The following ADGRB3 variants were observed in gnomAD, a reference collection of about 807,000 sequenced individuals.
ADGRB3 encodes adhesion G protein-coupled receptor B3.
Under a neutral mutation model 193.4 loss-of-function variants are expected in ADGRB3, and 37 were observed. The observed-to-expected ratio is 0.19, with a 90% CI of 0.15 to 0.25. The LOEUF is 0.25. ADGRB3 is among the 10% of genes least tolerant of loss of function. ADGRB3 has a pLI of 1.00. For missense variants in ADGRB3, 1,637 were observed against 1,852.9 expected (o/e 0.88, Z 2.14); for synonymous variants, 690 against 644.2 (o/e 1.07, Z -1.08).
chr6:69,189,724 T>C (rs1227793182), intron 17 of ADGRB3, among the ~76,000 whole-genome samples: 1 of 152,218 alleles, frequency 6.6e-6, no homozygotes, highest in African/African-American at 2.4e-5. Context: ...CAATAAAATT[T>C]TGTCTCTTTG....
chr6:68,815,607 GT>G (rs2086430952), intron 3 of ADGRB3, among the ~76,000 whole-genome samples: 1 of 93,384 alleles, frequency 1.1e-5, no homozygotes, highest in Non-Finnish European at 1.9e-5. Context: ...CAAAAATTGT[GT>G]GTGTGTGTGT....
At chr6:69,197,340 A>G (rs771410151) in intron 17 of ADGRB3, among the ~76,000 whole-genome samples, 22 of 152,058 alleles carry the variant, frequency 1.4e-4, no homozygotes, top group Admixed American at 2.0e-4. Flanking sequence ...TTGCATATAC[A>G]TGTGTATTAT....
intron 3 of ADGRB3, among the ~76,000 whole-genome samples, chr6:68,796,072 G>T (rs1428043031): frequency 6.6e-6 from 1 of 152,064 alleles, no homozygotes; most frequent in Non-Finnish European, 1.5e-5. Context: ...TTAGAACCAA[G>T]TATATTTTAG....
At chr6:69,150,368 GTCTT>G (rs1009789637) in intron 17 of ADGRB3, among the ~76,000 whole-genome samples, 26 of 152,246 alleles carry the variant, frequency 1.7e-4, no homozygotes, top group Middle Eastern at 3.4e-3. Context: ...AGGCAGAAAA[GTCTT>G]TCCCCACAAA....
At chr6:69,177,276 C>G (rs1775452817) in intron 17 of ADGRB3, among the ~76,000 whole-genome samples, 1 of 152,020 alleles carries the variant, frequency 6.6e-6, no homozygotes, top group African/African-American at 2.4e-5. Flanking sequence ...AAACTTTGCT[C>G]TTTGCTCTTA....
At chr6:68,884,475 G>GA (rs1466945223) in intron 3 of ADGRB3, among the ~76,000 whole-genome samples, 3 of 152,134 alleles carry the variant, frequency 2.0e-5, no homozygotes, top group African/African-American at 7.2e-5. Flanking sequence ...CGGGGAGTGA[G>GA]AAAAAATTAG....
rs570432356 is a variant in ADGRB3 at position 68,780,894 on chromosome 6, TA to T, written c.757+141468del. The stretch of plus-strand genomic sequence containing the variant: ...TGGATTTCACAATTATGTAGCTTCT[TA>T]AAAAATGTTATTTAAAATGTCTTAA... On this transcript the variant is annotated intron_variant, in intron 3 of 31. Coordinates refer to ENST00000370598, the MANE Select transcript of ADGRB3 (RefSeq NM_001704.3). 3.0e-3 allele frequency among the ~76,000 whole-genome samples: 460 copies of T among 152,260 alleles called. 6 individuals carry two copies. Among genetic ancestry groups the T allele is most frequent in the African/African-American group, 0.011 (448 of 41,570 alleles).
intron 1 of ADGRB3, among the ~76,000 whole-genome samples, chr6:68,636,956 A>G (rs1409446182): frequency 1.1e-5 from 1 of 91,858 alleles, no homozygotes; most frequent in African/African-American, 4.9e-5. Flanking sequence ...AAAGTGCAAC[A>G]CCAAAAAAAA....
At chr6:68,665,625 G>A (rs1228119456) in intron 3 of ADGRB3, among the ~76,000 whole-genome samples, 4 of 151,708 alleles carry the variant, frequency 2.6e-5, no homozygotes, top group African/African-American at 9.7e-5. Flanking sequence ...ACACGATAAT[G>A]TTAAACTATC....
intron 17 of ADGRB3, among the ~76,000 whole-genome samples, chr6:69,120,465 A>G (rs1218870346): frequency 3.9e-5 from 6 of 152,242 alleles, no homozygotes; most frequent in South Asian, 2.1e-4. Flanking sequence ...CAGAATGGGA[A>G]CATCATGTGT....
At position 68,910,832 on chromosome 6, in the gene ADGRB3, A is replaced by G. The variant is rs1178299392; in HGVS notation, c.758-19727A>G. ...AGCCTTGTAGTATAGTTTGAAGTCAAGTAGCGTGATGCCTCCAGCTTTGTT... is the reference window on the plus strand; with the variant it reads ...AGCCTTGTAGTATAGTTTGAAGTCAGGTAGCGTGATGCCTCCAGCTTTGTT... On this transcript the variant is annotated intron_variant, in intron 3 of 31. Coordinates refer to ENST00000370598, the MANE Select transcript of ADGRB3 (RefSeq NM_001704.3). Among the ~76,000 whole-genome samples the G allele has an allele frequency of 4.6e-5, 7 of 152,150 alleles. No homozygotes were observed. The South Asian group carries it at 8.3e-4, about 18-fold the overall frequency.
intron 6 of ADGRB3, among the ~76,000 whole-genome samples, chr6:68,954,221 T>C (rs1379834696): frequency 1.3e-5 from 2 of 152,184 alleles, no homozygotes; most frequent in Non-Finnish European, 2.9e-5. Context: ...CTTTAAACAT[T>C]TATTTATTTA....
At chr6:68,789,306 C>A (rs904358623) in intron 3 of ADGRB3, among the ~76,000 whole-genome samples, 3 of 152,186 alleles carry the variant, frequency 2.0e-5, no homozygotes, top group African/African-American at 7.2e-5. Flanking sequence ...TTGATCCTTT[C>A]CATGTTTAGT....
intron 17 of ADGRB3, among the ~76,000 whole-genome samples, chr6:69,139,506 TTATTC>T: frequency 6.6e-6 from 1 of 152,354 alleles, no homozygotes; most frequent in South Asian, 2.1e-4. Flanking sequence ...TGGTTTATGT[TTATTC>T]TTACATTATT....
At chr6:68,892,333 C>T (rs1766102065) in intron 3 of ADGRB3, among the ~76,000 whole-genome samples, 1 of 152,176 alleles carries the variant, frequency 6.6e-6, no homozygotes, top group Admixed American at 6.5e-5. Flanking sequence ...GCCCTAGCCA[C>T]AGCAGCCTCT....
At chr6:69,021,883 G>A (rs1354529171) in intron 13 of ADGRB3, among the ~76,000 whole-genome samples, 1 of 151,774 alleles carries the variant, frequency 6.6e-6, no homozygotes, top group Admixed American at 6.6e-5. Context: ...TGGTATATAT[G>A]TGTGCATGTA....
At chr6:68,963,764 T>A (rs914481373) in intron 8 of ADGRB3, among the ~76,000 whole-genome samples, 19 of 152,238 alleles carry the variant, frequency 1.2e-4, no homozygotes, top group African/African-American at 4.6e-4. Context: ...TCCTAATAAT[T>A]CTTTCTCCCA....
chr6:68,880,527 T>C (rs1344400165), intron 3 of ADGRB3, among the ~76,000 whole-genome samples: 1 of 152,158 alleles, frequency 6.6e-6, no homozygotes, highest in Non-Finnish European at 1.5e-5. Context: ...CTAGCAACAC[T>C]CCTATTCAAG....
intron 17 of ADGRB3, among the ~76,000 whole-genome samples, chr6:69,205,996 C>A (rs1373466898): frequency 7.3e-6 from 1 of 137,012 alleles, no homozygotes; most frequent in Non-Finnish European, 1.5e-5. Flanking sequence ...TCTAGAGGGA[C>A]AGAACTAATT....
Sources: gnomAD v4.1 joint callset for allele counts (sites outside exome capture counted in the v4.1 genomes callset) on GRCh38, gnomAD v4.1.1 for gene constraint, MANE v1.5 for transcripts, NCBI Gene and HGNC (gene_info 2026-07-23, HGNC 2026-07-21) for gene names.